The following PTPRM variants were observed in gnomAD, a reference collection of about 807,000 sequenced individuals.
PTPRM encodes protein tyrosine phosphatase receptor type M.
A neutral mutation model predicts 186.7 loss-of-function variants in PTPRM; 47 were observed. That is an observed-to-expected ratio of 0.25 (90% CI 0.20 to 0.32). The LOEUF (loss-of-function observed/expected upper bound fraction) is 0.32, where lower values mean the gene tolerates loss of function less well. PTPRM is among the 10% of genes least tolerant of loss of function. PTPRM has a pLI of 1.00. For missense variants in PTPRM, 1,494 were observed against 1,865.0 expected (o/e 0.80, Z 3.66); for synonymous variants, 668 against 674.9 (o/e 0.99, Z 0.16).
chr18:8,080,642 T>C (rs1050699370), intron 9 of PTPRM, among the ~76,000 whole-genome samples: 1 of 152,200 alleles, frequency 6.6e-6, no homozygotes, highest in African/African-American at 2.4e-5. Context: ...CCTGGATAAC[T>C]GGGCTGTTAG....
At chr18:7,965,103 T>C (rs1164148635) in intron 7 of PTPRM, among the ~76,000 whole-genome samples, 1 of 145,522 alleles carries the variant, frequency 6.9e-6, no homozygotes, top group African/African-American at 2.6e-5. Flanking sequence ...CAATGTGCAA[T>C]GGCATGATCT....
At chr18:7,779,085 C>G (rs2033754481) in intron 2 of PTPRM, among the ~76,000 whole-genome samples, 1 of 152,088 alleles carries the variant, frequency 6.6e-6, no homozygotes. Flanking sequence ...AAAAAATTAT[C>G]AAATTCATCT....
intron 21 of PTPRM, 25 bp from the exon 22 acceptor site, chr18:8,319,153 A>G (rs1386345563): frequency 7.5e-6 from 11 of 1,474,730 alleles, no homozygotes; most frequent in East Asian, 2.3e-5. Context: ...ATGTTTATCA[A>G]ATATTCTCTT....
At chr18:8,145,485 C>A (rs2092860920) in intron 14 of PTPRM, among the ~76,000 whole-genome samples, 1 of 152,194 alleles carries the variant, frequency 6.6e-6, no homozygotes, top group Non-Finnish European at 1.5e-5. Context: ...GCCCTACCCC[C>A]TGACAGGCCC....
chr18:7,751,720 T>C (rs1255889515), intron 1 of PTPRM, among the ~76,000 whole-genome samples: 1 of 152,228 alleles, frequency 6.6e-6, no homozygotes, highest in African/African-American at 2.4e-5. Context: ...ACCCATCTTT[T>C]CGGTGTGACC....
At chr18:8,375,974 C>A in intron 24 of PTPRM, 72 bp from the exon 25 acceptor site, 2 of 1,490,146 alleles carry the variant, frequency 1.3e-6, no homozygotes, top group Admixed American at 1.7e-5. Context: ...TCCACTCCCC[C>A]AGCTATCCCT....
At chr18:8,318,509 C>G (rs2095325579) in intron 21 of PTPRM, among the ~76,000 whole-genome samples, 2 of 151,852 alleles carry the variant, frequency 1.3e-5, no homozygotes, top group Admixed American at 6.6e-5. Context: ...GTTGTGCAGG[C>G]TGGTCTCAAA....
intron 1 of PTPRM, among the ~76,000 whole-genome samples, chr18:7,766,622 G>A (rs1304829055): frequency 6.6e-6 from 1 of 152,334 alleles, no homozygotes; most frequent in East Asian, 1.9e-4. Flanking sequence ...GCAGGGGCAA[G>A]CTGCTGCTAC....
At chr18:7,624,208 C>A (rs1012191190) in intron 1 of PTPRM, among the ~76,000 whole-genome samples, 1 of 152,194 alleles carries the variant, frequency 6.6e-6, no homozygotes, top group East Asian at 1.9e-4. Flanking sequence ...CCAGCAACTG[C>A]TTTTCCCAGC....
intron 6 of PTPRM, among the ~76,000 whole-genome samples, chr18:7,949,702 G>A (rs547702024): frequency 6.6e-6 from 1 of 152,172 alleles, no homozygotes; most frequent in South Asian, 2.1e-4. Flanking sequence ...ATATTCATCA[G>A]CCAGCGTGTT....
intron 4 of PTPRM, among the ~76,000 whole-genome samples, chr18:7,910,635 G>T (rs138828122): frequency 1.3e-5 from 2 of 152,254 alleles, no homozygotes; most frequent in African/African-American, 4.8e-5. Context: ...ACATCTGATT[G>T]GTTGCAGAAA....
chr18:8,323,186 A>AT (rs1276921532), intron 22 of PTPRM, among the ~76,000 whole-genome samples: 1 of 152,178 alleles, frequency 6.6e-6, no homozygotes, highest in African/African-American at 2.4e-5. Flanking sequence ...GGGAAAGACC[A>AT]TGCAAGGCTG....
intron 1 of PTPRM, among the ~76,000 whole-genome samples, chr18:7,647,438 C>A (rs764013445): frequency 6.6e-6 from 1 of 152,158 alleles, no homozygotes; most frequent in Admixed American, 6.5e-5. Context: ...TATTGTGACC[C>A]AGGCAGCCAT....
chr18:8,071,839 C>T (rs967126213), intron 8 of PTPRM, among the ~76,000 whole-genome samples: 3 of 152,222 alleles, frequency 2.0e-5, no homozygotes. Context: ...TCACATCCCT[C>T]TGACCTTAAT....
intron 7 of PTPRM, among the ~76,000 whole-genome samples, chr18:7,976,627 C>A (rs577030857): frequency 3.3e-5 from 5 of 152,074 alleles, no homozygotes; most frequent in Admixed American, 6.6e-5. Context: ...AAAAAAAGAG[C>A]CTCACCCTTG....
chr18:7,840,119 T>C (rs1598990835), intron 2 of PTPRM, among the ~76,000 whole-genome samples: 1 of 146,060 alleles, frequency 6.8e-6, no homozygotes, highest in Admixed American at 6.8e-5. Context: ...GGGGGAGGGG[T>C]GGTGTCCTTG....
At chr18:8,204,782 C>A (rs1040765997) in intron 14 of PTPRM, among the ~76,000 whole-genome samples, 4 of 150,758 alleles carry the variant, frequency 2.7e-5, no homozygotes. Context: ...AAAAAAAAAA[C>A]AAAAACAAAA....
intron 22 of PTPRM, among the ~76,000 whole-genome samples, chr18:8,340,789 G>A (rs1484058955): frequency 6.6e-6 from 1 of 152,206 alleles, no homozygotes; most frequent in African/African-American, 2.4e-5. Context: ...CTATAGATCA[G>A]GAGAGATCTG....
chr18:7,567,662 C>G lies in PTPRM; in HGVS notation c.-157C>G. On this transcript the variant is annotated 5_prime_UTR_variant, in exon 1 of 33. Transcript: ENST00000580170. The surrounding 1 kb of genome is among the most constrained non-coding windows in gnomAD (Gnocchi z 4.3). The stretch of plus-strand genomic sequence containing the variant: ...CCGCGCCCCTGGAGCCGCTGGAGTT[C>G]GGACTTCTGCAACTGTTGGCACTTT... 1 of 598,790 alleles carries G rather than the reference C, an allele frequency of 1.7e-6. No individual in the cohort carries two copies. The highest frequency in any genetic ancestry group is 2.6e-5 in the South Asian group (1 of 37,984). 37.1% of individuals were successfully genotyped at this position (598,790 alleles called of 1,614,324 possible).
Sources: gnomAD v4.1 joint callset for allele counts (sites outside exome capture counted in the v4.1 genomes callset) on GRCh38, gnomAD v4.1.1 for gene constraint, Gnocchi (gnomAD v3.1) non-coding constraint, MANE v1.5 for transcripts, NCBI Gene and HGNC (gene_info 2026-07-23, HGNC 2026-07-21) for gene names.